Variants in TAF15 observed in about 807,000 individuals in gnomAD.
TAF15 encodes TATA-binding protein-associated factor 2N.
Under a neutral mutation model 102.5 loss-of-function variants are expected in TAF15, and 37 were observed. The ratio of observed to expected loss-of-function variants is 0.36; its 90% confidence interval spans 0.28 to 0.47. The LOEUF (loss-of-function observed/expected upper bound fraction) is 0.47. TAF15 is among the 20% of genes least tolerant of loss of function. The probability of loss-of-function intolerance (pLI) is 0.99; values close to 1 mark genes in which losing one functional copy is unlikely to be tolerated. For synonymous variants in TAF15, 273 were observed against 259.2 expected, an observed-to-expected ratio of 1.05 and a Z score of -0.51; for missense variants, 652 against 760.7, an observed-to-expected ratio of 0.86 and a Z score of 1.68.
intron 11 of TAF15, among the ~76,000 whole-genome samples, chr17:35,839,584 A>G (rs1011101355): frequency 2.0e-5 from 3 of 151,886 alleles, no homozygotes; most frequent in Non-Finnish European, 4.4e-5. Context: ...GGGTTTCACC[A>G]TGTTAGCCAG....
intron 7 of TAF15, among the ~76,000 whole-genome samples, chr17:35,829,643 AAAAAAAAAAAAAAG>A (rs1330299110): frequency 7.0e-6 from 1 of 143,308 alleles, no homozygotes; most frequent in Admixed American, 7.0e-5. Context: ...AAAAAAAAAA[AAAAAAAAAAAAAAG>A]AGAGAGAGAG....
Position 35,847,032 on chromosome 17 carries a change from C to A in TAF15, c.*87C>A. ...CCTGCTGCTTTCCTCGTGGCCTCTTCTTGGGTAGTGAAATTAAGTGACATT... is the reference window on the plus strand; with the variant it reads ...CCTGCTGCTTTCCTCGTGGCCTCTTATTGGGTAGTGAAATTAAGTGACATT... On this transcript the variant is annotated 3_prime_UTR_variant, in exon 16 of 16. Coordinates refer to ENST00000605844, the MANE Select transcript of TAF15 (RefSeq NM_139215.3). 1 of 979,350 alleles carries A rather than the reference C, an allele frequency of 1.0e-6. No homozygotes were observed. Among genetic ancestry groups the A allele is most frequent in the Non-Finnish European group, 1.5e-6 (1 of 688,290 alleles). The allele number at this position is 979,350 out of a possible 1,614,324, so 60.7% of individuals were successfully genotyped here.
At chr17:35,842,598 G>C in intron 12 of TAF15, 139 bp downstream of exon 12, 1 of 686,266 alleles carries the variant, frequency 1.5e-6, no homozygotes, top group Middle Eastern at 2.7e-4. Flanking sequence ...AATGAGTTCA[G>C]GTACTGAATA....
Position 35,844,534 on chromosome 17 carries a change from G to A in TAF15, c.1235G>A (p.Gly412Asp), listed in dbSNP as rs2087586621. Reference protein sequence around the residue: ...ERGYRGRGGRGGDRGGYGGDR... With the variant: ...ERGYRGRGGRDGDRGGYGGDR... ...GGCTACAGAGGTCGTGGGGGCAGAG[G>A]TGGAGACCGAGGCGGCTATGGTGGA... The change falls in exon 15 of 16, where the codon GGT (glycine) becomes GAT (aspartate). Residue 412 changes from glycine to aspartate, a missense_variant. By Grantham distance (94) the Gly-to-Asp change is moderately conservative (BLOSUM62 -1). Coordinates refer to ENST00000605844, the MANE Select transcript of TAF15 (RefSeq NM_139215.3). 1 of 1,610,278 alleles carries A rather than the reference G, an allele frequency of 6.2e-7. No homozygotes were observed. The highest frequency in any genetic ancestry group is 8.5e-7 in the Non-Finnish European group (1 of 1,177,436).
chr17:35,822,153 C>T lies in TAF15; in HGVS notation c.291-487C>T, dbSNP rs568383453. Reference sequence around the variant, plus strand: ...GGTCAGGAGTTAAAGACCAGCCTGACCAACATGGAGAAACCCCGTCTCTAC... The same window carrying T: ...GGTCAGGAGTTAAAGACCAGCCTGATCAACATGGAGAAACCCCGTCTCTAC... On this transcript the variant is annotated intron_variant, in intron 5 of 15. Coordinates refer to ENST00000605844, the MANE Select transcript of TAF15 (RefSeq NM_139215.3). 4.1e-4 allele frequency among the ~76,000 whole-genome samples: 62 copies of T among 151,836 alleles called. No homozygotes were observed. In the South Asian group the frequency reaches 0.012, roughly 29 times the overall value.
chr17:35,837,082 A>C (rs2087483980), intron 10 of TAF15, among the ~76,000 whole-genome samples: 1 of 151,782 alleles, frequency 6.6e-6, no homozygotes, highest in Non-Finnish European at 1.5e-5. Flanking sequence ...CGGCCTACTC[A>C]CTTTTTTCTT....
At chr17:35,811,254 C>T (rs1026600713) in intron 1 of TAF15, 4 of 152,104 alleles carry the variant, frequency 2.6e-5, no homozygotes, top group African/African-American at 4.8e-5. Flanking sequence ...AAAATACAGG[C>T]TTTTTCATGT....
In TAF15 at chr17:35,817,691, T is replaced by A. The variant is rs763734852; in HGVS notation, c.8-25T>A. The A allele has an allele frequency of 9.3e-6, 15 of 1,610,314 alleles. 1 individual carries two copies. The South Asian group carries it at 1.7e-4, about 18-fold the overall frequency. ...AAGGAACCATAATTTTAAATAAGAT[T>A]TAAAATTCTTTTTATGTGTTCTAGA... On this transcript the variant is annotated intron_variant, in intron 1 of 15. Transcript: ENST00000605844.
intron 12 of TAF15, among the ~76,000 whole-genome samples, chr17:35,843,455 T>C (rs1264126048): frequency 1.3e-5 from 2 of 152,202 alleles, no homozygotes; most frequent in Non-Finnish European, 2.9e-5. Flanking sequence ...ATTCATATTC[T>C]TGTCTTTTTT....
chr17:35,831,719 C>G (rs1361608393), intron 7 of TAF15, among the ~76,000 whole-genome samples: 1 of 152,108 alleles, frequency 6.6e-6, no homozygotes, highest in Non-Finnish European at 1.5e-5. Context: ...TCATCTTTAT[C>G]CTCGGAACTT....
chr17:35,814,872 G>A (rs1041474777), intron 1 of TAF15, among the ~76,000 whole-genome samples: 45 of 150,916 alleles, frequency 3.0e-4, no homozygotes, highest in African/African-American at 9.5e-4. Flanking sequence ...AAGTGTGTGT[G>A]TATATATATA....
At chr17:35,825,953 C>CAA (rs5820126) in intron 7 of TAF15, among the ~76,000 whole-genome samples, 2 of 141,628 alleles carry the variant, frequency 1.4e-5, no homozygotes, top group Non-Finnish European at 3.1e-5. Flanking sequence ...GACTTCGTCT[C>CAA]AAAAAAAAAA....
At chr17:35,811,285 G>A (rs1307781212) in intron 1 of TAF15, 1 of 152,088 alleles carries the variant, frequency 6.6e-6, no homozygotes, top group Non-Finnish European at 1.5e-5. Context: ...CATATAAGCT[G>A]GCTTAATCAT....
chr17:35,815,122 A>G (rs952630994), intron 1 of TAF15, among the ~76,000 whole-genome samples: 3 of 152,208 alleles, frequency 2.0e-5, no homozygotes, highest in African/African-American at 7.2e-5. Context: ...ACATGTGCCA[A>G]GGGGGAAAAG....
At chr17:35,816,692 C>T (rs1403337313) in intron 1 of TAF15, 1 of 152,078 alleles carries the variant, frequency 6.6e-6, no homozygotes, top group Non-Finnish European at 1.5e-5. Flanking sequence ...TGAGTAAAGC[C>T]TGAAGGATAG....
Position 35,832,009 on chromosome 17 carries a change from C to T in TAF15, c.606-1898C>T, listed in dbSNP as rs143350459. 1.8e-3 allele frequency among the ~76,000 whole-genome samples: 276 copies of T among 152,130 alleles called. 1 individual carries two copies. The highest frequency in any genetic ancestry group is 2.1e-3 in the Non-Finnish European group (145 of 68,004). On this transcript the variant is annotated intron_variant, in intron 7 of 15. Transcript: ENST00000605844. The stretch of plus-strand genomic sequence containing the variant: ...AGGAGAATGGCATGAACCCGGGAGG[C>T]GGAGCTTGCGGTGAGCCAAGATTGC...
At position 35,815,008 on chromosome 17, in the gene TAF15, C is replaced by T. The variant is rs1374952685; in HGVS notation, c.8-2708C>T. ...GGCAAACAGTAAGAATATGACCAAA[C>T]ATTAGTAAAATATGAGTGATACAAC... On this transcript the variant is annotated intron_variant, in intron 1 of 15. Transcript: ENST00000605844. Among the ~76,000 whole-genome samples the T allele has an allele frequency of 2.6e-5, 4 of 151,986 alleles. No individual in the cohort carries two copies. In the East Asian group the frequency reaches 7.7e-4, roughly 29 times the overall value.
intron 7 of TAF15, among the ~76,000 whole-genome samples, chr17:35,830,464 C>CAT (rs4013873): frequency 0.27 from 40,307 of 151,906 alleles, 6,318 homozygotes; most frequent in African/African-American, 0.44. Context: ...CATCTTGACT[C>CAT]AGATGTTCAA....
rs535363753 is a variant in TAF15 at position 35,811,601 on chromosome 17, T to A, written c.7+2025T>A. 4 of 152,346 alleles carry A rather than the reference T, an allele frequency of 2.6e-5. No individual in the cohort carries two copies. The South Asian group carries it at 8.3e-4, about 32-fold the overall frequency. 9.4% of individuals were successfully genotyped at this position (152,346 alleles called of 1,614,324 possible). A position where few individuals can be genotyped will look rare whatever the true frequency, so the allele number is the denominator to read the frequency against. On this transcript the variant is annotated intron_variant, in intron 1 of 15. Coordinates refer to ENST00000605844, the MANE Select transcript of TAF15 (RefSeq NM_139215.3). ...CCAAAACAACTAATGCCATTAATAA[T>A]TTTAGTTAAGTCCTTTAAACATTCC... is the stretch of plus-strand genomic sequence containing the variant.
Sources: gnomAD v4.1 joint callset for allele counts (sites outside exome capture counted in the v4.1 genomes callset) on GRCh38, gnomAD v4.1.1 for gene constraint, MANE v1.5 for transcripts, NCBI Gene and HGNC (gene_info 2026-07-23, HGNC 2026-07-21) for gene names.